C12orf50: variants seen among roughly 807,000 people sequenced by gnomAD.
The protein encoded by C12orf50 is zinc finger CCCH-type containing 11D.
C12orf50 carries 35 observed loss-of-function variants against 61.6 expected under a neutral mutation model. That is an observed-to-expected ratio of 0.57 (90% CI 0.43 to 0.75). The LOEUF (loss-of-function observed/expected upper bound fraction) is 0.75, where lower values mean the gene tolerates loss of function less well. Ranked by LOEUF, C12orf50 falls within the 30% of genes least tolerant of loss-of-function variation. The pLI is 0.00. For missense variants in C12orf50, 475 were observed against 488.5 expected (o/e 0.97, Z 0.26); for synonymous variants, 178 against 161.5 (o/e 1.10, Z -0.77).
chr12:88,028,915 A>G (rs1157924924), intron 1 of C12orf50, among the ~76,000 whole-genome samples: 2 of 152,184 alleles, frequency 1.3e-5, no homozygotes, highest in Non-Finnish European at 2.9e-5. Flanking sequence ...TCAAAAATAC[A>G]TGATAAGCTG....
At chr12:88,019,314 C>T (rs564409795) in intron 3 of C12orf50, among the ~76,000 whole-genome samples, 171 of 152,262 alleles carry the variant, frequency 1.1e-3, no homozygotes, top group Admixed American at 1.6e-3. Context: ...CCATGTAAGA[C>T]GTGACTTTCT....
At chr12:87,990,751 G>A (rs1292564768) in intron 7 of C12orf50, among the ~76,000 whole-genome samples, 6 of 152,048 alleles carry the variant, frequency 3.9e-5, no homozygotes, top group East Asian at 1.9e-4. Flanking sequence ...AGAAAGAGCC[G>A]AAAGTCTGGG....
chr12:88,002,186 A>T (rs76587468), intron 3 of C12orf50, among the ~76,000 whole-genome samples: 1 of 151,680 alleles, frequency 6.6e-6, no homozygotes. Context: ...TTGGTATGCT[A>T]TGTTTTACTT....
At chr12:88,011,012 C>T (rs2032088703) in intron 3 of C12orf50, among the ~76,000 whole-genome samples, 1 of 152,092 alleles carries the variant, frequency 6.6e-6, no homozygotes, top group African/African-American at 2.4e-5. Flanking sequence ...CATGAATTTA[C>T]ACATAGATAA....
At chr12:87,980,835 C>T (rs957705747) in intron 12 of C12orf50, among the ~76,000 whole-genome samples, 3 of 152,190 alleles carry the variant, frequency 2.0e-5, no homozygotes, top group South Asian at 4.1e-4. Flanking sequence ...AAAGGCTTCT[C>T]CTGTCCGCCA....
chr12:88,025,970 T>G lies in C12orf50; in HGVS notation c.133+518A>C, dbSNP rs188584685. Among the ~76,000 whole-genome samples, 3 of 152,356 alleles carry G rather than the reference T, an allele frequency of 2.0e-5. No individual in the cohort carries two copies. In the East Asian group the frequency reaches 5.8e-4, roughly 29 times the overall value. ...CTCAGTACCATTTAGTTAGACTGAATTGTGCCACGGCTTTTGTAGCAATGG... is the reference window on the plus strand; with the variant it reads ...CTCAGTACCATTTAGTTAGACTGAAGTGTGCCACGGCTTTTGTAGCAATGG... On this transcript the variant is annotated intron_variant, in intron 3 of 12. Transcript: ENST00000298699.
intron 11 of C12orf50, chr12:87,984,970 T>G (rs1375009811): frequency 6.6e-6 from 1 of 152,080 alleles, no homozygotes; most frequent in Non-Finnish European, 1.5e-5. Context: ...TACACATCCA[T>G]ATATCATTCT....
intron 1 of C12orf50, chr12:88,028,994 T>C: frequency 1.2e-6 from 1 of 822,076 alleles, no homozygotes; most frequent in Admixed American, 4.2e-5. Context: ...GCAATACAAG[T>C]TATTGCCATA....
At chr12:87,994,015 C>A (rs1173086389) in intron 7 of C12orf50, among the ~76,000 whole-genome samples, 1 of 151,984 alleles carries the variant, frequency 6.6e-6, no homozygotes, top group Non-Finnish European at 1.5e-5. Context: ...GCCTGACCAA[C>A]ATGGTGAAAC....
At chr12:87,992,680 G>A (rs2031182841) in intron 7 of C12orf50, among the ~76,000 whole-genome samples, 1 of 152,102 alleles carries the variant, frequency 6.6e-6, no homozygotes, top group South Asian at 2.1e-4. Context: ...AGCGACCAGA[G>A]TACTGGTTAC....
rs1206244539 is a variant in C12orf50 at position 87,986,403 on chromosome 12, C to G, written c.831G>C (p.Gln277His). 6.2e-7 allele frequency: 1 copy of G among 1,601,676 alleles called. No homozygotes were observed. The highest frequency in any genetic ancestry group is 2.2e-5 in the East Asian group (1 of 44,672). Residue 277 changes from glutamine to histidine, a missense_variant, in exon 10 of 13, where the codon CAG (glutamine) becomes CAC (histidine). Gln to His is a conservative substitution (Grantham distance 24). Transcript: ENST00000298699. ...REDPSSMNDV[Q>H]PVKKPHFKGV... ...CTTTAAAATGAGGCTTCTTCACTGG[C>G]TGGACATCATTCACTTAGAAAAGAT...
Position 87,983,539 on chromosome 12 carries a change from C to A in C12orf50, c.1127-344G>T, listed in dbSNP as rs548797942. 1.2e-4 allele frequency: 19 copies of A among 153,906 alleles called. No individual in the cohort carries two copies. In the South Asian group the frequency reaches 3.8e-3, roughly 31 times the overall value. The allele number at this position is 153,906 out of a possible 1,614,324, so 9.5% of individuals were successfully genotyped here. A position where few individuals can be genotyped will look rare whatever the true frequency, so the allele number is the denominator to read the frequency against. On this transcript the variant is annotated intron_variant, in intron 11 of 12. Transcript: ENST00000298699. ...GATATCTCCTAATGCTATCCCTCCC[C>A]CTTCCCCCACCCCACAACAGTCCCC...
chr12:88,004,160 C>T (rs149635826), intron 3 of C12orf50, among the ~76,000 whole-genome samples: 1 of 152,162 alleles, frequency 6.6e-6, no homozygotes, highest in African/African-American at 2.4e-5. Flanking sequence ...GAGATGTTGT[C>T]ATAATACCGT....
At chr12:88,012,134 A>G (rs2032133981) in intron 3 of C12orf50, among the ~76,000 whole-genome samples, 1 of 152,222 alleles carries the variant, frequency 6.6e-6, no homozygotes, top group African/African-American at 2.4e-5. Flanking sequence ...AACATTTAGC[A>G]CTACTCCACT....
rs1017699499 is a variant in C12orf50, at chr12:87,994,666, G to C, written c.559C>G (p.Pro187Ala). 1 of 1,612,878 alleles carries C rather than the reference G, an allele frequency of 6.2e-7. No individual in the cohort carries two copies. Among genetic ancestry groups the C allele is most frequent in the Non-Finnish European group, 8.5e-7 (1 of 1,179,246 alleles). ...GEIKTSLHGK[P>A]KTDIAAFENG... ...TCAAAAGCAGCAATGTCAGTCTTTG[G>C]TTTCCCATGCAATGATGTTTTTATT... The change falls in exon 7 of 13, where the codon CCA becomes GCA. Residue 187 changes from proline to alanine, a missense_variant. Pro to Ala is a conservative substitution (Grantham distance 27). Transcript: ENST00000298699.
chr12:88,029,169 A>G (rs1388468526), intron 1 of C12orf50, 171 bp downstream of exon 1: 1 of 1,145,382 alleles, frequency 8.7e-7, no homozygotes. Flanking sequence ...TTTGAAAAAT[A>G]TATATGAATT....
chr12:88,009,313 G>T (rs1392724034), intron 3 of C12orf50, among the ~76,000 whole-genome samples: 3 of 151,978 alleles, frequency 2.0e-5, no homozygotes, highest in Admixed American at 6.6e-5. Flanking sequence ...ACCAAGAATT[G>T]ATAGAATTTT....
chr12:87,995,326 A>G (rs1221051724), intron 6 of C12orf50, among the ~76,000 whole-genome samples: 3 of 152,208 alleles, frequency 2.0e-5, no homozygotes, highest in African/African-American at 7.2e-5. Flanking sequence ...AATTGGTAAA[A>G]TTTGTGGGAA....
At chr12:88,021,774 C>T (rs943035399) in intron 3 of C12orf50, among the ~76,000 whole-genome samples, 7 of 152,006 alleles carry the variant, frequency 4.6e-5, no homozygotes, top group Non-Finnish European at 8.8e-5. Flanking sequence ...CACATGCAAC[C>T]TCCCAAGACT....
Sources: allele counts gnomAD v4.1 joint callset (sites outside exome capture counted in the v4.1 genomes callset), GRCh38; gene constraint gnomAD v4.1.1; transcripts MANE v1.5; gene names NCBI Gene and HGNC (gene_info 2026-07-23, HGNC 2026-07-21).